CARF: variants seen among roughly 807,000 people sequenced by gnomAD.
CARF encodes calcium responsive transcription factor, also known as calcium-responsive transcription factor.
Under a neutral mutation model 82.0 loss-of-function variants are expected in CARF, and 57 were observed. The observed-to-expected ratio is 0.70, with a 90% CI of 0.56 to 0.87. The LOEUF (loss-of-function observed/expected upper bound fraction) is 0.87, where lower values mean the gene tolerates loss of function less well. Among genes scored for constraint, CARF ranks in the 40% least tolerant of loss-of-function variants. The pLI, the probability that CARF is intolerant of heterozygous loss-of-function variation, is 0.00. For missense variants in CARF, 771 were observed against 855.8 expected, an observed-to-expected ratio of 0.90 and a Z score of 1.24; for synonymous variants, 268 against 290.1, an observed-to-expected ratio of 0.92 and a Z score of 0.77.
intron 6 of CARF, 118 bp from the exon 7 acceptor site, chr2:202,953,887 C>T: frequency 1.3e-6 from 1 of 752,346 alleles, no homozygotes; most frequent in Middle Eastern, 3.7e-4. Flanking sequence ...TATTCCTTTA[C>T]TCTCAATAAA....
At position 202,985,907 on chromosome 2, in the gene CARF, C is replaced by T. The variant is rs930648436; in HGVS notation, c.*2283C>T. 5 of 152,056 alleles carry T rather than the reference C, an allele frequency of 3.3e-5. No homozygotes were observed. Among genetic ancestry groups the T allele is most frequent in the African/African-American group, 1.2e-4 (5 of 41,412 alleles). 9.4% of individuals were successfully genotyped at this position (152,056 alleles called of 1,614,324 possible). A position where few individuals can be genotyped will look rare whatever the true frequency, so the allele number is the denominator to read the frequency against. On this transcript the variant is annotated 3_prime_UTR_variant, in exon 17 of 17. Transcript: ENST00000438828. ...AGTTACCTGTGAGGATGAGATGTGTCAGAGGACTCAGACTTTGGTATAGTT... is the reference window on the plus strand; with the variant it reads ...AGTTACCTGTGAGGATGAGATGTGTTAGAGGACTCAGACTTTGGTATAGTT...
chr2:202,931,181 A>G (rs1692876238), intron 3 of CARF, among the ~76,000 whole-genome samples: 1 of 151,954 alleles, frequency 6.6e-6, no homozygotes, highest in Non-Finnish European at 1.5e-5. Flanking sequence ...CATGTTGGCC[A>G]GGCTGGTCTC....
chr2:202,917,381 A>G (rs891515526), intron 1 of CARF, among the ~76,000 whole-genome samples: 1 of 152,112 alleles, frequency 6.6e-6, no homozygotes. Flanking sequence ...CTGAAATCCA[A>G]TCATTAACTG....
intron 15 of CARF, among the ~76,000 whole-genome samples, 175 bp from the exon 16 acceptor site, chr2:202,981,897 T>C (rs2060277115): frequency 6.6e-6 from 1 of 152,258 alleles, no homozygotes; most frequent in Non-Finnish European, 1.5e-5. Flanking sequence ...ATGAATGCAG[T>C]AAATTTAGTT....
intron 3 of CARF, among the ~76,000 whole-genome samples, chr2:202,933,300 C>T (rs1247095956): frequency 6.6e-6 from 1 of 152,126 alleles, no homozygotes; most frequent in Non-Finnish European, 1.5e-5. Context: ...CTACTCAGCC[C>T]CAGAGCAAGA....
At chr2:202,974,972 T>A (rs1162244826) in intron 13 of CARF, among the ~76,000 whole-genome samples, 1 of 152,094 alleles carries the variant, frequency 6.6e-6, no homozygotes, top group African/African-American at 2.4e-5. Flanking sequence ...TAAAAGTTTT[T>A]TATTACTTTC....
At position 202,974,341 on chromosome 2, in the gene CARF, G is replaced by T; in HGVS notation, c.1339G>T (p.Val447Leu). Reference protein sequence around the residue: ...YAVRKQLRKFVERELFKPDEV... With the variant: ...YAVRKQLRKFLERELFKPDEV... Reference sequence around the variant, plus strand: ...ATTTTGTATTCTTTACAGAAAATTTGTGGAAAGGGAACTGTTCAAACCCGA... The same window carrying T: ...ATTTTGTATTCTTTACAGAAAATTTTTGGAAAGGGAACTGTTCAAACCCGA... Residue 447 changes from valine to leucine, a missense_variant, in exon 13 of 17, where the codon GTG becomes TTG. Val to Leu is a conservative substitution (Grantham distance 32). Coordinates refer to ENST00000438828, the MANE Select transcript of CARF (RefSeq NM_024744.17). The T allele has an allele frequency of 1.9e-6, 3 of 1,577,926 alleles. No homozygotes were observed. The highest frequency in any genetic ancestry group is 1.2e-5 in the South Asian group (1 of 84,406).
chr2:202,979,187 G>A (rs2060147427), intron 14 of CARF, among the ~76,000 whole-genome samples: 1 of 152,096 alleles, frequency 6.6e-6, no homozygotes. Context: ...AACCTGGGAG[G>A]CAGAGGTTGC....
At chr2:202,926,061 G>C (rs1276640380) in intron 3 of CARF, among the ~76,000 whole-genome samples, 1 of 152,180 alleles carries the variant, frequency 6.6e-6, no homozygotes, top group African/African-American at 2.4e-5. Flanking sequence ...ATCCACAATG[G>C]GAAGCTAGTA....
At chr2:202,983,072 T>A (rs532158521) in intron 16 of CARF, among the ~76,000 whole-genome samples, 28 of 151,990 alleles carry the variant, frequency 1.8e-4, no homozygotes, top group African/African-American at 6.8e-4. Flanking sequence ...TTTTTTTTTT[T>A]AAACCAGCCT....
intron 7 of CARF, among the ~76,000 whole-genome samples, chr2:202,954,431 A>G (rs533130956): frequency 6.6e-6 from 1 of 152,226 alleles, no homozygotes; most frequent in East Asian, 1.9e-4. Context: ...AGAAACATTC[A>G]TGGCCAGGTG....
chr2:202,916,546 T>C (rs1689703470), intron 1 of CARF, among the ~76,000 whole-genome samples: 1 of 152,144 alleles, frequency 6.6e-6, no homozygotes, highest in Non-Finnish European at 1.5e-5. Context: ...TAAAGATCTT[T>C]TACATCTTAG....
chr2:202,944,112 G>A (rs72926781), intron 5 of CARF, among the ~76,000 whole-genome samples: 13,483 of 152,180 alleles, frequency 0.089, 739 homozygotes, highest in Non-Finnish European at 0.12. Flanking sequence ...TGTGTGCCAC[G>A]TGAGTAATAA....
At chr2:202,924,764 G>C (rs1243552133) in intron 3 of CARF, 1 of 161,534 alleles carries the variant, frequency 6.2e-6, no homozygotes, top group African/African-American at 2.4e-5. Flanking sequence ...GCAGCTTCCG[G>C]GGTAGCCTGG....
At chr2:202,977,223 C>A in intron 13 of CARF, 46 bp from the exon 14 acceptor site, 2 of 1,391,242 alleles carry the variant, frequency 1.4e-6, no homozygotes, top group Non-Finnish European at 2.0e-6. Flanking sequence ...AGATATTTTT[C>A]AATATAAGAG....
chr2:202,984,358 T>C lies in CARF; in HGVS notation c.*734T>C, dbSNP rs2060369487. ...GATAAGCAACAGAAATCAACATATG[T>C]AGCATGGATTTGTGCTATATTGGAA... On this transcript the variant is annotated 3_prime_UTR_variant, in exon 17 of 17. Transcript: ENST00000438828. 6.6e-6 allele frequency: 1 copy of C among 152,190 alleles called. No homozygotes were observed. The highest frequency in any genetic ancestry group is 2.4e-5 in the African/African-American group (1 of 41,434). 9.4% of individuals were successfully genotyped at this position (152,190 alleles called of 1,614,324 possible). A position where few individuals can be genotyped will look rare whatever the true frequency, so the allele number is the denominator to read the frequency against.
intron 13 of CARF, among the ~76,000 whole-genome samples, chr2:202,976,372 C>T (rs1036215324): frequency 6.6e-6 from 1 of 151,986 alleles, no homozygotes; most frequent in Non-Finnish European, 1.5e-5. Flanking sequence ...ACGGGTTTCA[C>T]CATGTTGGCC....
At position 202,987,751 on chromosome 2, in the gene CARF, C is replaced by A. The variant is rs2060489708; in HGVS notation, c.*4127C>A. ...GTAATGTGATTTGGGTATAAGAATA[C>A]TAAAACCAGAGTACAGGGTGTGAAT... On this transcript the variant is annotated 3_prime_UTR_variant, in exon 17 of 17. Transcript: ENST00000438828. Among the ~76,000 whole-genome samples the A allele has an allele frequency of 6.6e-6, 1 of 152,062 alleles. No individual in the cohort carries two copies. Among genetic ancestry groups the A allele is most frequent in the South Asian group, 2.1e-4 (1 of 4,824 alleles).
At chr2:202,955,523 A>G in intron 7 of CARF, 151 bp from the exon 8 acceptor site, 1 of 477,858 alleles carries the variant, frequency 2.1e-6, no homozygotes. Flanking sequence ...AATAATAACT[A>G]ATGCACCCAT....
Sources: gnomAD v4.1 joint callset for allele counts (sites outside exome capture counted in the v4.1 genomes callset) on GRCh38, gnomAD v4.1.1 for gene constraint, MANE v1.5 for transcripts, NCBI Gene and HGNC (gene_info 2026-07-23, HGNC 2026-07-21) for gene names.